The following DENND3 variants were observed in gnomAD, a reference collection of about 807,000 sequenced individuals.
DENND3 encodes the protein DENN domain-containing protein 3.
In DENND3, 88 loss-of-function variants were observed where a neutral mutation model predicts 135.1. The ratio of observed to expected loss-of-function variants is 0.65; its 90% CI spans 0.55 to 0.78. The LOEUF is 0.78. DENND3 is among the 30% of genes least tolerant of loss of function. DENND3 has a pLI of 0.00. For synonymous variants in DENND3, 693 were observed against 712.3 expected, an observed-to-expected ratio of 0.97 and a Z score of 0.43; for missense variants, 1,392 against 1,688.4, an observed-to-expected ratio of 0.82 and a Z score of 3.08.
In DENND3 at chr8:141,154,645, C is replaced by T. The variant is rs1353246446; in HGVS notation, c.1075-1204C>T. On this transcript the variant is annotated intron_variant, in intron 7 of 22. Coordinates refer to ENST00000519811, the MANE Select transcript of DENND3 (RefSeq NM_001352890.3). The surrounding 1 kb of genome is among the most constrained non-coding windows in gnomAD (Gnocchi z 4.4). ...TGGCACGATCTCAGCTCACTGCAAC[C>T]TCCGCCTCCTGGGTTCAAGCGATTC... is the stretch of plus-strand genomic sequence containing the variant. Among the ~76,000 whole-genome samples the T allele has an allele frequency of 6.6e-6, 1 of 151,998 alleles. No individual in the cohort carries two copies. Among genetic ancestry groups the T allele is most frequent in the Admixed American group, 6.6e-5 (1 of 15,264 alleles).
At chr8:141,165,366 A>C (rs892024920) in intron 11 of DENND3, 77 bp downstream of exon 11, 198 of 1,173,790 alleles carry the variant, frequency 1.7e-4, no homozygotes, top group Non-Finnish European at 2.4e-4. Flanking sequence ...TATTCGAATG[A>C]GTAAATGAGA....
intron 13 of DENND3, among the ~76,000 whole-genome samples, chr8:141,169,665 A>G (rs1012967134): frequency 6.6e-6 from 1 of 152,176 alleles, no homozygotes; most frequent in Non-Finnish European, 1.5e-5. Context: ...TTTTCTGGCC[A>G]TGTTTTTATG....
In DENND3 at chr8:141,151,936, G is replaced by A. The variant is rs1016433436; in HGVS notation, c.1074+99G>A. On this transcript the variant is annotated intron_variant, in intron 7 of 22. Transcript: ENST00000519811. ...TCTGAAAGTGCTCCGCGGTGAAGGC[G>A]GGGTCTGTGTGCCGCAGAGAGGTCA... The A allele has an allele frequency of 1.3e-5, 19 of 1,439,082 alleles. No individual in the cohort carries two copies. In the African/African-American group the frequency reaches 1.7e-4, roughly 13 times the overall value. 89.1% of individuals were successfully genotyped at this position (1,439,082 alleles called of 1,614,324 possible).
Position 141,138,189 on chromosome 8 carries a change from TG to T in DENND3, c.501+54del, listed in dbSNP as rs1569555069. ...GAAATTGGGTTTAGATTTTTTATTA[TG>T]GTGAAATACACATAACACAACATTC... On this transcript the variant is annotated intron_variant, in intron 3 of 22. Transcript: ENST00000519811. The surrounding 1 kb of genome is among the most constrained non-coding windows in gnomAD (Gnocchi z 4.8). The T allele has an allele frequency of 6.6e-7, 1 of 1,520,604 alleles. No individual in the cohort carries two copies. The highest frequency in any genetic ancestry group is 2.0e-5 in the Admixed American group (1 of 51,158). 94.2% of individuals were successfully genotyped at this position (1,520,604 alleles called of 1,614,324 possible).
Position 141,139,976 on chromosome 8 carries a change from C to T in DENND3, c.502-1227C>T, listed in dbSNP as rs139559881. Among the ~76,000 whole-genome samples the T allele has an allele frequency of 6.8e-3, 1,029 of 151,990 alleles. 19 individuals are homozygous for T. Among genetic ancestry groups the T allele is most frequent in the African/African-American group, 0.024 (988 of 41,412 alleles). ...AGGCTTTAGTGCAGCGGTGTGATCA[C>T]GGCTCACTGCAGCCTTGAACTCCAG... On this transcript the variant is annotated intron_variant, in intron 3 of 22. Coordinates refer to ENST00000519811, the MANE Select transcript of DENND3 (RefSeq NM_001352890.3). The surrounding 1 kb of genome is among the most constrained non-coding windows in gnomAD (Gnocchi z 4.2).
chr8:141,148,776 T>G (rs1227374293), intron 5 of DENND3, among the ~76,000 whole-genome samples: 1 of 152,148 alleles, frequency 6.6e-6, no homozygotes, highest in Non-Finnish European at 1.5e-5. Flanking sequence ...GGATAGCTGG[T>G]CGGCACATTT....
chr8:141,157,255 T>C, intron 8 of DENND3: 1 of 971,480 alleles, frequency 1.0e-6, no homozygotes, highest in South Asian at 4.8e-5. Context: ...GGCAGGGACT[T>C]TGGTCAGGGG....
At position 141,182,320 on chromosome 8, in the gene DENND3, G is replaced by C; in HGVS notation, c.2944+1466G>C. On this transcript the variant is annotated intron_variant, in intron 17 of 22. Transcript: ENST00000519811. This position sits in a 1 kb window ranked among gnomAD's most constrained non-coding sequence, Gnocchi z 5.9. ...AGAGAGTTTTTCTCTCTTCATGGCAGGCCAAGAAACCCAGGAACGCGATAG... is the reference window on the plus strand; with the variant it reads ...AGAGAGTTTTTCTCTCTTCATGGCACGCCAAGAAACCCAGGAACGCGATAG... 2 of 985,338 alleles carry C rather than the reference G, an allele frequency of 2.0e-6. No individual in the cohort carries two copies. The highest frequency in any genetic ancestry group is 2.4e-6 in the Non-Finnish European group (2 of 829,920). The allele number at this position is 985,338 out of a possible 1,614,324, so 61.0% of individuals were successfully genotyped here. A position where few individuals can be genotyped will look rare whatever the true frequency, so the allele number is the denominator to read the frequency against.
chr8:141,184,263 T>A (rs1346049676), intron 17 of DENND3, among the ~76,000 whole-genome samples: 1 of 152,222 alleles, frequency 6.6e-6, no homozygotes, highest in African/African-American at 2.4e-5. Flanking sequence ...GGTATTTTTA[T>A]ATGTCATACG....
rs141866511 is a variant in DENND3, at chr8:141,178,579, G to A, written c.2836+383G>A. Among the ~76,000 whole-genome samples the A allele has an allele frequency of 6.5e-3, 983 of 152,288 alleles. 10 individuals are homozygous for A. The highest frequency in any genetic ancestry group is 0.023 in the African/African-American group (941 of 41,568). ...CTGGAATCTCTGACTGGTGGGGAGC[G>A]GGTGTCTGGGACTTGCAGTTAGGAA... On this transcript the variant is annotated intron_variant, in intron 16 of 22. Transcript: ENST00000519811.
intron 8 of DENND3, among the ~76,000 whole-genome samples, chr8:141,159,165 C>G (rs1819817485): frequency 6.6e-6 from 1 of 152,190 alleles, no homozygotes. Context: ...TGGAGAGAAC[C>G]CTGGTCCTGG....
rs568933678 is a variant in DENND3, at chr8:141,150,349, G to C, written c.736-485G>C. 4 of 1,268,276 alleles carry C rather than the reference G, an allele frequency of 3.2e-6. No individual in the cohort carries two copies. The South Asian group carries it at 5.2e-5, about 16-fold the overall frequency. 78.6% of individuals were successfully genotyped at this position (1,268,276 alleles called of 1,614,324 possible). A position where few individuals can be genotyped will look rare whatever the true frequency, so the allele number is the denominator to read the frequency against. ...ATTTGAACTGAAGTGTGACTTCAAA[G>C]TAATACATTTAGAAAAACGTCTTTC... On this transcript the variant is annotated intron_variant, in intron 5 of 22. Coordinates refer to ENST00000519811, the MANE Select transcript of DENND3 (RefSeq NM_001352890.3).
Position 141,164,492 on chromosome 8 carries a change from G to A in DENND3, c.1450-694G>A, listed in dbSNP as rs756278127. Reference sequence around the variant, plus strand: ...TCTGCTAAGTGACGTACCCTGCCCCGGGTGTCTCCTGAATGGCTGAGGGGT... The same window carrying A: ...TCTGCTAAGTGACGTACCCTGCCCCAGGTGTCTCCTGAATGGCTGAGGGGT... On this transcript the variant is annotated intron_variant, in intron 10 of 22. Transcript: ENST00000519811. 2.4e-4 allele frequency among the ~76,000 whole-genome samples: 37 copies of A among 152,168 alleles called. 1 individual carries two copies. The highest frequency in any genetic ancestry group is 7.2e-4 in the Admixed American group (11 of 15,284).
At chr8:141,189,979 T>C (rs1045566928) in intron 19 of DENND3, among the ~76,000 whole-genome samples, 4 of 152,224 alleles carry the variant, frequency 2.6e-5, no homozygotes, top group African/African-American at 9.6e-5. Context: ...CAACACCTCA[T>C]TGAGCCTGCG....
Position 141,130,395 on chromosome 8 carries a change from G to A in DENND3, c.102+1586G>A, listed in dbSNP as rs1426412948. On this transcript the variant is annotated intron_variant, in intron 1 of 22. Coordinates refer to ENST00000519811, the MANE Select transcript of DENND3 (RefSeq NM_001352890.3). The surrounding 1 kb of genome is among the most constrained non-coding windows in gnomAD (Gnocchi z 4.2). ...AGTGGTGCATTCCTGAACTAAACAC[G>A]CTGCAACATTTTCATGTTCCCAGGT... Among the ~76,000 whole-genome samples the A allele has an allele frequency of 1.3e-5, 2 of 152,060 alleles. No individual in the cohort carries two copies. Among genetic ancestry groups the A allele is most frequent in the South Asian group, 2.1e-4 (1 of 4,820 alleles).
In DENND3 at chr8:141,151,628, T is replaced by C. The variant is rs542351463; in HGVS notation, c.865T>C (p.Cys289Arg). The change falls in exon 7 of 23, where the codon TGC (cysteine) becomes CGC (arginine). Residue 289 changes from cysteine (C) to arginine (R), a missense_variant. Coordinates refer to ENST00000519811, the MANE Select transcript of DENND3 (RefSeq NM_001352890.3). The stretch of plus-strand genomic sequence containing the variant: ...CGGGTTCTCCCCTCAGATCCTGACA[T>C]GCATCCTGACGGAACAGCGGATCGT... ...RPEKVLQILT[C>R]ILTEQRIVFF... is the part of the protein sequence containing the mutation. 1.3e-5 allele frequency: 21 copies of C among 1,613,898 alleles called. No homozygotes were observed. Among genetic ancestry groups the C allele is most frequent in the Non-Finnish European group, 1.6e-5 (19 of 1,179,998 alleles).
At chr8:141,155,184 G>C (rs1819291909) in intron 7 of DENND3, among the ~76,000 whole-genome samples, 1 of 152,140 alleles carries the variant, frequency 6.6e-6, no homozygotes, top group African/African-American at 2.4e-5. Context: ...TCTGGGGATG[G>C]CTGGGGGAGA....
At chr8:141,181,636 C>T (rs576283734) in intron 17 of DENND3, among the ~76,000 whole-genome samples, 14 of 152,266 alleles carry the variant, frequency 9.2e-5, no homozygotes, top group East Asian at 1.9e-4. Context: ...GCTGTCATGT[C>T]GCACGTTGAA....
chr8:141,192,565 G>GTTTAC lies in DENND3; in HGVS notation c.3539_3543dup (p.Ile1182PhefsTer6). 1 of 1,581,416 alleles carries GTTTAC rather than the reference G, an allele frequency of 6.3e-7. No homozygotes were observed. The highest frequency in any genetic ancestry group is 8.6e-7 in the Non-Finnish European group (1 of 1,161,332). ...GGCGGCCTGTGCAGGACGCAGCGAG[G>GTTTAC]TTTACATCTGGAGCCTGAAGGACCT... is the stretch of plus-strand genomic sequence containing the variant. On this transcript the variant is annotated frameshift_variant, in exon 22 of 23. Coordinates refer to ENST00000519811, the MANE Select transcript of DENND3 (RefSeq NM_001352890.3). LOFTEE classifies it high-confidence loss of function.
Sources: allele counts gnomAD v4.1 joint callset (sites outside exome capture counted in the v4.1 genomes callset), GRCh38; gene constraint gnomAD v4.1.1; non-coding constraint Gnocchi (gnomAD v3.1); transcripts MANE v1.5; gene names NCBI Gene and HGNC (gene_info 2026-07-23, HGNC 2026-07-21).